Variants in TYW1 observed in about 807,000 individuals in gnomAD.
The protein encoded by TYW1 is tRNA-yW synthesizing protein 1 homolog.
Under a neutral mutation model 96.2 loss-of-function variants are expected in TYW1, and 46 were observed. The observed-to-expected ratio is 0.48, with a 90% CI of 0.38 to 0.61. TYW1 has a LOEUF of 0.61. Ranked by LOEUF, TYW1 falls within the 20% of genes least tolerant of loss-of-function variation. TYW1 has a pLI of 0.00. For synonymous variants in TYW1, 274 were observed against 323.0 expected, an observed-to-expected ratio of 0.85 and a Z score of 1.63; for missense variants, 684 against 909.6, an observed-to-expected ratio of 0.75 and a Z score of 3.19.
rs1279768086 is a variant in TYW1, at chr7:67,014,468, C to T, written c.477C>T (p.Ser159=). The T allele has an allele frequency of 1.2e-6, 2 of 1,613,876 alleles. No individual in the cohort carries two copies. Among genetic ancestry groups the T allele is most frequent in the Non-Finnish European group, 1.7e-6 (2 of 1,179,852 alleles). ...TCTGCAAATGGTTAGAGGAAGCATC[C>T]ATTGATTTTCGATTTGGCAAAACTT... ...EWFCKWLEEA[S]IDFRFGKTYL... Residue 159 remains serine, a synonymous_variant, in exon 5 of 16, where the codon TCC becomes TCT. Coordinates refer to ENST00000359626, the MANE Select transcript of TYW1 (RefSeq NM_018264.4).
At chr7:67,162,442 A>T (rs2116225242) in intron 13 of TYW1, among the ~76,000 whole-genome samples, 1 of 152,276 alleles carries the variant, frequency 6.6e-6, no homozygotes. Context: ...GTAGATTGGT[A>T]CAAGTAATAT....
At chr7:67,229,260 G>C (rs1181978490) in intron 15 of TYW1, among the ~76,000 whole-genome samples, 3 of 152,102 alleles carry the variant, frequency 2.0e-5, no homozygotes, top group Admixed American at 2.0e-4. Flanking sequence ...AATATAGGCC[G>C]GGTGCGGTGG....
At chr7:67,100,357 T>C (rs1422458374) in intron 12 of TYW1, among the ~76,000 whole-genome samples, 1 of 151,984 alleles carries the variant, frequency 6.6e-6, no homozygotes, top group Non-Finnish European at 1.5e-5. Context: ...CGTTATGTAT[T>C]GGTGTTTTCC....
intron 11 of TYW1, among the ~76,000 whole-genome samples, chr7:67,093,280 G>C (rs776385271): frequency 6.6e-6 from 1 of 152,234 alleles, no homozygotes; most frequent in South Asian, 2.1e-4. Context: ...AGTATTTCAT[G>C]TAGCTTATTT....
chr7:67,152,674 T>A (rs1276787276), intron 13 of TYW1, among the ~76,000 whole-genome samples: 1 of 152,182 alleles, frequency 6.6e-6, no homozygotes, highest in Non-Finnish European at 1.5e-5. Flanking sequence ...TGATCTCGGC[T>A]CACTGTACCC....
chr7:67,220,226 T>C (rs1445086359), intron 15 of TYW1, among the ~76,000 whole-genome samples: 2 of 136,676 alleles, frequency 1.5e-5, no homozygotes, highest in Non-Finnish European at 3.1e-5. Context: ...TTTTTTGAGA[T>C]GGAGTCTGGC....
chr7:67,003,786 T>C (rs1793479840), intron 3 of TYW1, among the ~76,000 whole-genome samples: 1 of 152,222 alleles, frequency 6.6e-6, no homozygotes, highest in Non-Finnish European at 1.5e-5. Context: ...CTCATGCCTG[T>C]AATCCCAGCA....
At chr7:67,166,354 A>G (rs1197991909) in intron 13 of TYW1, among the ~76,000 whole-genome samples, 1 of 110,730 alleles carries the variant, frequency 9.0e-6, no homozygotes, top group African/African-American at 3.5e-5. Context: ...ATATAATTAT[A>G]TATAATACAT....
At chr7:67,035,966 T>A (rs925553380) in intron 7 of TYW1, among the ~76,000 whole-genome samples, 1 of 150,758 alleles carries the variant, frequency 6.6e-6, no homozygotes. Context: ...CGTGAGCCAC[T>A]GTGCCCGGCC....
chr7:66,999,062 G>T, intron 3 of TYW1, 108 bp downstream of exon 3: 1 of 1,124,052 alleles, frequency 8.9e-7, no homozygotes, highest in South Asian at 1.3e-5. Context: ...AACTGAATTG[G>T]TCATCTAACC....
At chr7:67,219,008 T>A (rs1459667554) in intron 15 of TYW1, among the ~76,000 whole-genome samples, 1 of 152,246 alleles carries the variant, frequency 6.6e-6, no homozygotes, top group Non-Finnish European at 1.5e-5. Context: ...TTCAGTGTTT[T>A]ACTATTGAGT....
At chr7:67,023,106 C>G (rs1286418486) in intron 6 of TYW1, among the ~76,000 whole-genome samples, 5 of 151,650 alleles carry the variant, frequency 3.3e-5, no homozygotes, top group Non-Finnish European at 5.9e-5. Flanking sequence ...TTTTTCTTTT[C>G]TTTTTTTTGA....
intron 9 of TYW1, among the ~76,000 whole-genome samples, chr7:67,063,193 C>T (rs183194878): frequency 1.7e-3 from 263 of 152,268 alleles, no homozygotes; most frequent in African/African-American, 6.0e-3. Context: ...AGAAAAATAT[C>T]AGTCAGTCAT....
chr7:67,104,215 C>T (rs567041331), intron 12 of TYW1, among the ~76,000 whole-genome samples: 12 of 152,132 alleles, frequency 7.9e-5, no homozygotes, highest in East Asian at 5.8e-4. Flanking sequence ...AGTCTGTTCT[C>T]GCATTGCCAT....
At chr7:67,004,978 A>T (rs1322208247) in intron 3 of TYW1, among the ~76,000 whole-genome samples, 1 of 151,812 alleles carries the variant, frequency 6.6e-6, no homozygotes, top group African/African-American at 2.4e-5. Context: ...CTGGTCTCCA[A>T]CTCCTGACCT....
At chr7:67,105,027 C>A (rs553327147) in intron 12 of TYW1, among the ~76,000 whole-genome samples, 1 of 152,372 alleles carries the variant, frequency 6.6e-6, no homozygotes, top group East Asian at 1.9e-4. Flanking sequence ...GGCCTCTCAT[C>A]CCCCAGCAGC....
At chr7:67,236,981 G>A (rs1341183256) in intron 15 of TYW1, among the ~76,000 whole-genome samples, 1 of 152,072 alleles carries the variant, frequency 6.6e-6, no homozygotes, top group Non-Finnish European at 1.5e-5. Flanking sequence ...CACCTCCCAG[G>A]TTCAAGCGAT....
At chr7:67,220,872 G>T (rs1308732154) in intron 15 of TYW1, among the ~76,000 whole-genome samples, 9 of 151,992 alleles carry the variant, frequency 5.9e-5, no homozygotes, top group Non-Finnish European at 1.0e-4. Context: ...CGAGTAGCTG[G>T]GATTACAGGC....
chr7:66,999,637 A>G (rs1793312499), intron 3 of TYW1, among the ~76,000 whole-genome samples: 1 of 152,198 alleles, frequency 6.6e-6, no homozygotes, highest in Non-Finnish European at 1.5e-5. Flanking sequence ...TACAGGCGTG[A>G]GCCACTGCAC....
Sources: gnomAD v4.1 joint callset for allele counts (sites outside exome capture counted in the v4.1 genomes callset) on GRCh38, gnomAD v4.1.1 for gene constraint, MANE v1.5 for transcripts, NCBI Gene and HGNC (gene_info 2026-07-23, HGNC 2026-07-21) for gene names.